PHLDB2: variants seen among roughly 807,000 people sequenced by gnomAD.
PHLDB2 encodes the protein pleckstrin homology like domain family B member 2, also known as pleckstrin homology-like domain family B member 2.
In PHLDB2, 71 loss-of-function variants were observed where a neutral mutation model predicts 123.6. The ratio of observed to expected loss-of-function variants is 0.57; its 90% CI spans 0.47 to 0.70. The LOEUF (loss-of-function observed/expected upper bound fraction) is 0.70. PHLDB2 is among the 30% of genes least tolerant of loss of function. The pLI, the probability that PHLDB2 is intolerant of heterozygous loss-of-function variation, is 0.00. For missense variants in PHLDB2, 1,446 were observed against 1,519.5 expected (o/e 0.95, Z 0.80); for synonymous variants, 547 against 541.6 (o/e 1.01, Z -0.14).
In PHLDB2 at chr3:111,932,269, G is replaced by C. The variant is rs1312684981; in HGVS notation, c.2002G>C (p.Glu668Gln). 34 of 1,550,578 alleles carry C rather than the reference G, an allele frequency of 2.2e-5. No homozygotes were observed. The highest frequency in any genetic ancestry group is 7.0e-6 in the Non-Finnish European group (8 of 1,146,456). The stretch of plus-strand genomic sequence containing the variant: ...CTATTTTCTGGTTTCTGAACTTCAG[G>C]AGAAGGTAAAGCTTGATGCTGAAAG... ...EKNIVGEKTK[E>Q]KVKLDAEREK... The change falls in exon 6 of 18, where the codon GAG (glutamate) becomes CAG (glutamine). Residue 668 changes from glutamate to glutamine, a missense_variant and splice_region_variant. Physicochemically the swap from Glu to Gln is conservative, Grantham distance 29. Transcript: ENST00000431670.
At chr3:111,913,952 C>T in intron 3 of PHLDB2, 1 of 488,618 alleles carries the variant, frequency 2.0e-6, no homozygotes, top group Non-Finnish European at 3.6e-6. Context: ...TCCCTGCACC[C>T]TTTCAGGTTG....
chr3:111,850,783 T>G (rs1302390023), intron 2 of PHLDB2, among the ~76,000 whole-genome samples: 1 of 151,878 alleles, frequency 6.6e-6, no homozygotes, highest in African/African-American at 2.4e-5. Flanking sequence ...CATAAATAAA[T>G]AAAAGAACTA....
At position 111,917,934 on chromosome 3, in the gene PHLDB2, T is replaced by C. The variant is rs556520289; in HGVS notation, c.1720-1138T>C. Reference sequence around the variant, plus strand: ...ATAATTAGTGACAAATATTCAATAATTTACTCAACTGGGCTGCTGTTTTCA... The same window carrying C: ...ATAATTAGTGACAAATATTCAATAACTTACTCAACTGGGCTGCTGTTTTCA... On this transcript the variant is annotated intron_variant, in intron 3 of 17. Transcript: ENST00000431670. 3.9e-5 allele frequency among the ~76,000 whole-genome samples: 6 copies of C among 152,280 alleles called. No homozygotes were observed. In the South Asian group the frequency reaches 1.2e-3, roughly 32 times the overall value.
At chr3:111,793,659 T>C (rs1264244808) in intron 1 of PHLDB2, among the ~76,000 whole-genome samples, 1 of 151,984 alleles carries the variant, frequency 6.6e-6, no homozygotes, top group African/African-American at 2.4e-5. Flanking sequence ...TCTCATCCAA[T>C]GCCTGCAGCA....
chr3:111,780,321 GGAAGAAGAAGAAGAAGAAGAAGAA>G (rs776116547), intron 1 of PHLDB2, among the ~76,000 whole-genome samples: 6 of 3,668 alleles, frequency 1.6e-3, no homozygotes, highest in Admixed American at 4.2e-3. Context: ...AAGAGGAAGA[GGAAGAAGAAGAAGAAGAAGAAGAA>G]GAAGAAGAAG....
At chr3:111,963,909 C>G (rs1438954993) in intron 13 of PHLDB2, among the ~76,000 whole-genome samples, 1 of 152,134 alleles carries the variant, frequency 6.6e-6, no homozygotes, top group Non-Finnish European at 1.5e-5. Context: ...ACCTGCTTCC[C>G]TGATGTTTAT....
At chr3:111,743,662 A>G (rs2059639283) in intron 1 of PHLDB2, among the ~76,000 whole-genome samples, 1 of 152,170 alleles carries the variant, frequency 6.6e-6, no homozygotes, top group Admixed American at 6.5e-5. Flanking sequence ...CAACTCTCCA[A>G]TACTACACAT....
intron 1 of PHLDB2, among the ~76,000 whole-genome samples, chr3:111,816,451 C>T (rs986618583): frequency 1.1e-4 from 17 of 152,192 alleles, no homozygotes; most frequent in Non-Finnish European, 1.3e-4. Flanking sequence ...GGATGTAAGA[C>T]ATAGAGTGAA....
At chr3:111,795,271 C>T (rs1280843265) in intron 1 of PHLDB2, among the ~76,000 whole-genome samples, 1 of 152,210 alleles carries the variant, frequency 6.6e-6, no homozygotes, top group East Asian at 1.9e-4. Flanking sequence ...TGTTTAAGAG[C>T]TCCTTTTCCT....
At chr3:111,945,084 A>G (rs1323880460) in intron 8 of PHLDB2, among the ~76,000 whole-genome samples, 184 bp from the exon 9 acceptor site, 2 of 152,260 alleles carry the variant, frequency 1.3e-5, no homozygotes, top group East Asian at 1.9e-4. Context: ...CTCATGCAGC[A>G]TATCAGCTAG....
At chr3:111,745,780 G>GAAAGA (rs371101134) in intron 1 of PHLDB2, among the ~76,000 whole-genome samples, 1,559 of 138,570 alleles carry the variant, frequency 0.011, 25 homozygotes, top group African/African-American at 0.036. Context: ...AAAAAAGAAA[G>GAAAGA]AAAGAAAAGA....
chr3:111,812,641 C>T (rs2061891864), intron 1 of PHLDB2, among the ~76,000 whole-genome samples: 1 of 152,124 alleles, frequency 6.6e-6, no homozygotes, highest in Non-Finnish European at 1.5e-5. Context: ...CCCTTTGCTG[C>T]CTGGTTTTAT....
chr3:111,919,097 A>G lies in PHLDB2; in HGVS notation c.1745A>G (p.Gln582Arg). 1 of 1,613,996 alleles carries G rather than the reference A, an allele frequency of 6.2e-7. No individual in the cohort carries two copies. Among genetic ancestry groups the G allele is most frequent in the Non-Finnish European group, 8.5e-7 (1 of 1,179,810 alleles). ...ACCCCAGAGGGTATAAGTGAAGAAC[A>G]GAGATCTCAGGAGTTGGCTGCAATG... Reference protein sequence around the residue: ...PKTPEGISEEQRSQELAAMEE... With the variant: ...PKTPEGISEERRSQELAAMEE... The change falls in exon 4 of 18, where the codon CAG becomes CGG. Residue 582 changes from glutamine to arginine, a missense_variant. This residue lies in a region of PHLDB2 where 832 missense variants were observed against 831.9 expected (regional missense o/e 1.00). Transcript: ENST00000431670.
intron 1 of PHLDB2, among the ~76,000 whole-genome samples, chr3:111,824,731 T>C (rs922839757): frequency 1.3e-5 from 2 of 152,222 alleles, no homozygotes; most frequent in African/African-American, 4.8e-5. Flanking sequence ...TGATGTATAG[T>C]TACACGAGTC....
chr3:111,829,927 AACACACACACAC>A (rs72357648), intron 1 of PHLDB2, among the ~76,000 whole-genome samples: 16,192 of 135,978 alleles, frequency 0.12, 1,005 homozygotes, highest in Admixed American at 0.14. Context: ...AACTATTCAA[AACACACACACAC>A]ACACACACAC....
intron 5 of PHLDB2, among the ~76,000 whole-genome samples, chr3:111,920,777 C>T (rs1380085554): frequency 6.6e-6 from 1 of 152,046 alleles, no homozygotes; most frequent in Non-Finnish European, 1.5e-5. Flanking sequence ...AGTTCTTTAC[C>T]ACTGCTGCCC....
At chr3:111,944,485 A>G (rs1002198177) in intron 8 of PHLDB2, among the ~76,000 whole-genome samples, 1 of 152,150 alleles carries the variant, frequency 6.6e-6, no homozygotes. Context: ...TTAATTCAAG[A>G]TGAATCATAG....
At chr3:111,814,781 C>T (rs1186884233) in intron 1 of PHLDB2, among the ~76,000 whole-genome samples, 1 of 151,978 alleles carries the variant, frequency 6.6e-6, no homozygotes, top group Admixed American at 6.6e-5. Context: ...AGAGGGAAAC[C>T]CGAGGAACAT....
In PHLDB2 at chr3:111,961,797, C is replaced by A. The variant is rs182954292; in HGVS notation, c.2873-311C>A. The A allele has an allele frequency of 1.2e-4, 38 of 321,250 alleles. No homozygotes were observed. The East Asian group carries it at 2.4e-3, about 21-fold the overall frequency. 19.9% of individuals were successfully genotyped at this position (321,250 alleles called of 1,614,324 possible). A position where few individuals can be genotyped will look rare whatever the true frequency, so the allele number is the denominator to read the frequency against. On this transcript the variant is annotated intron_variant, in intron 12 of 17. Coordinates refer to ENST00000431670, the MANE Select transcript of PHLDB2 (RefSeq NM_001134438.2). Reference sequence around the variant, plus strand: ...CAGCTATTTCTAGAGGATTCAGGGCCTTTGATTGTGTTTCTGTTTGGTTTC... The same window carrying A: ...CAGCTATTTCTAGAGGATTCAGGGCATTTGATTGTGTTTCTGTTTGGTTTC...
Sources: allele counts gnomAD v4.1 joint callset (sites outside exome capture counted in the v4.1 genomes callset), GRCh38; gene constraint gnomAD v4.1.1; regional missense constraint gnomAD v4.1.1; transcripts MANE v1.5; gene names NCBI Gene and HGNC (gene_info 2026-07-23, HGNC 2026-07-21).